PCLO: variants seen among roughly 807,000 people sequenced by gnomAD.
PCLO encodes piccolo presynaptic cytomatrix protein.
Under a neutral mutation model 427.5 loss-of-function variants are expected in PCLO, and 82 were observed. The observed-to-expected ratio is 0.19, with a 90% CI of 0.16 to 0.23. The LOEUF (loss-of-function observed/expected upper bound fraction) is 0.23. Ranked by LOEUF, PCLO falls within the 10% of genes least tolerant of loss-of-function variation. PCLO has a pLI of 1.00. For synonymous variants in PCLO, 2,357 were observed against 2,155.4 expected (o/e 1.09, Z -2.59); for missense variants, 6,239 against 6,115.9 (o/e 1.02, Z -0.67).
intron 10 of PCLO, among the ~76,000 whole-genome samples, chr7:82,867,690 G>A (rs971174280): frequency 2.0e-5 from 3 of 152,138 alleles, no homozygotes; most frequent in Non-Finnish European, 4.4e-5. Flanking sequence ...ATACCTCAAA[G>A]TATGTCAACC....
chr7:83,038,942 G>T (rs1313760321), intron 3 of PCLO, among the ~76,000 whole-genome samples: 1 of 151,966 alleles, frequency 6.6e-6, no homozygotes, highest in Non-Finnish European at 1.5e-5. Context: ...GTATGAAGTA[G>T]TATCTCACTG....
intron 10 of PCLO, among the ~76,000 whole-genome samples, chr7:82,876,243 T>C (rs1562831516): frequency 6.6e-6 from 1 of 151,916 alleles, no homozygotes. Flanking sequence ...CAAATACATT[T>C]AAAAAATCAA....
rs368031479 is a variant in PCLO, at chr7:82,816,373, GC to G, written c.14791+6121del. On this transcript the variant is annotated intron_variant, in intron 20 of 24. Transcript: ENST00000333891. Reference sequence around the variant, plus strand: ...ATCCTCCTATCCAAGTGAGAAAGTTGCCTGCCCCATGCTCTTATTGTACCCT... The same window carrying G: ...ATCCTCCTATCCAAGTGAGAAAGTTGCTGCCCCATGCTCTTATTGTACCCT... 3.8e-3 allele frequency among the ~76,000 whole-genome samples: 579 copies of G among 152,062 alleles called. 3 individuals are homozygous for G. Among genetic ancestry groups the G allele is most frequent in the African/African-American group, 0.013 (558 of 41,500 alleles).
chr7:82,804,040 A>G (rs1332857387), intron 21 of PCLO, among the ~76,000 whole-genome samples: 1 of 152,194 alleles, frequency 6.6e-6, no homozygotes, highest in African/African-American at 2.4e-5. Flanking sequence ...GTTAAATTAT[A>G]TATTTTGAAA....
In PCLO at chr7:82,955,840, T is replaced by C. The variant is rs760807428; in HGVS notation, c.5113A>G (p.Thr1705Ala). 1.8e-5 allele frequency: 29 copies of C among 1,613,804 alleles called. No homozygotes were observed. Among genetic ancestry groups the C allele is most frequent in the Non-Finnish European group, 2.4e-5 (28 of 1,179,874 alleles). The part of the protein sequence containing the change: ...EEPELEMESL[T>A]DSPEDRSRGE... The stretch of plus-strand genomic sequence containing the variant: ...CTTGACCTATCTTCAGGTGAGTCTG[T>C]CAGGCTTTCCATTTCCAATTCTGGC... Residue 1705 changes from threonine (T) to alanine (A), a missense_variant, in exon 5 of 25, where the codon ACA becomes GCA. Coordinates refer to ENST00000333891, the MANE Select transcript of PCLO (RefSeq NM_033026.6).
intron 10 of PCLO, among the ~76,000 whole-genome samples, chr7:82,863,822 T>C (rs777556888): frequency 1.2e-4 from 18 of 152,098 alleles, no homozygotes; most frequent in Non-Finnish European, 2.2e-4. Context: ...TACCATCTGA[T>C]TGGTGGTTAT....
intron 3 of PCLO, among the ~76,000 whole-genome samples, chr7:82,967,120 C>G (rs1795794069): frequency 6.6e-6 from 1 of 151,944 alleles, no homozygotes; most frequent in Non-Finnish European, 1.5e-5. Flanking sequence ...ATAAGAAGCA[C>G]TCCAAGTCTC....
At chr7:82,865,477 G>C (rs1228102628) in intron 10 of PCLO, among the ~76,000 whole-genome samples, 4 of 152,060 alleles carry the variant, frequency 2.6e-5, no homozygotes, top group Non-Finnish European at 5.9e-5. Flanking sequence ...GACAGAGCAA[G>C]ATGCCGTCTC....
intron 3 of PCLO, among the ~76,000 whole-genome samples, chr7:83,125,332 C>T (rs1343161415): frequency 2.0e-5 from 3 of 152,196 alleles, no homozygotes; most frequent in South Asian, 2.1e-4. Flanking sequence ...GCCCGGCAGC[C>T]GCCCCATCTG....
At chr7:82,940,016 T>A (rs1012006144) in intron 6 of PCLO, among the ~76,000 whole-genome samples, 3 of 152,140 alleles carry the variant, frequency 2.0e-5, no homozygotes, top group Admixed American at 2.0e-4. Flanking sequence ...TATATTAAAA[T>A]GAAAACGTTT....
intron 3 of PCLO, among the ~76,000 whole-genome samples, chr7:82,973,364 T>C (rs1204826650): frequency 6.6e-6 from 1 of 152,156 alleles, no homozygotes; most frequent in Non-Finnish European, 1.5e-5. Flanking sequence ...AAATACATAA[T>C]TGAATGATTG....
chr7:83,064,619 T>G (rs1404644583), intron 3 of PCLO, among the ~76,000 whole-genome samples: 2 of 152,014 alleles, frequency 1.3e-5, no homozygotes, highest in East Asian at 3.9e-4. Context: ...CAGTTCTGCT[T>G]CATAAACATA....
At chr7:82,980,101 G>A (rs1796113857) in intron 3 of PCLO, among the ~76,000 whole-genome samples, 1 of 151,876 alleles carries the variant, frequency 6.6e-6, no homozygotes, top group South Asian at 2.1e-4. Flanking sequence ...TCAGTCACCT[G>A]AAGATACTTG....
intron 3 of PCLO, among the ~76,000 whole-genome samples, chr7:83,029,684 C>T (rs549126526): frequency 8.1e-6 from 1 of 123,944 alleles, no homozygotes; most frequent in Non-Finnish European, 1.7e-5. Context: ...CGGCATTATT[C>T]ACAATAGCAA....
chr7:83,003,956 C>T (rs1464380328), intron 3 of PCLO, among the ~76,000 whole-genome samples: 1 of 151,568 alleles, frequency 6.6e-6, no homozygotes. Flanking sequence ...AGACTTCACC[C>T]ATGAAGTTAT....
In PCLO at chr7:82,952,260, A is replaced by C. The variant is rs774347420; in HGVS notation, c.8693T>G (p.Val2898Gly). ...VSQGITDGEVVDLSTTKSHRT... is the reference protein window; with the variant it reads ...VSQGITDGEVGDLSTTKSHRT... ...GTGAGACTTGGTTGTACTGAGATCC[A>C]CTACTTCCCCATCAGTGATTCCCTG... Residue 2898 changes from valine (V) to glycine (G), a missense_variant, in exon 5 of 25, where the codon GTG (valine) becomes GGG (glycine). By Grantham distance (109) the Val-to-Gly change is moderately radical. Around this residue, in one of 5 missense-constraint regions of PCLO, gnomAD observed 4,677 missense variants for 4,468.4 expected, o/e 1.05. Transcript: ENST00000333891. 1.2e-6 allele frequency: 2 copies of C among 1,613,944 alleles called. No individual in the cohort carries two copies.
At chr7:83,096,815 A>T (rs1434259106) in intron 3 of PCLO, among the ~76,000 whole-genome samples, 6 of 80,206 alleles carry the variant, frequency 7.5e-5, no homozygotes, top group African/African-American at 3.3e-4. Flanking sequence ...ATATTATATA[A>T]TATAAATATA....
intron 10 of PCLO, among the ~76,000 whole-genome samples, chr7:82,848,330 T>TTTTTTAG (rs1475267045): frequency 2.2e-5 from 3 of 137,876 alleles, no homozygotes; most frequent in Admixed American, 7.5e-5. Flanking sequence ...TTTTTTTTTT[T>TTTTTTAG]AAACAGGTCC....
In PCLO at chr7:82,949,753, A is replaced by T; in HGVS notation, c.10835T>A (p.Leu3612Gln). Residue 3612 changes from leucine to glutamine, a missense_variant, in exon 6 of 25, where the codon CTG becomes CAG. Coordinates refer to ENST00000333891, the MANE Select transcript of PCLO (RefSeq NM_033026.6). ...SHLRADSTVQ[L>Q]APSPPKSPKV... ...GGGGGATTTGGGTGGGGAAGGAGCCAGCTGTACTGTGGAATCTGCCCGGAG... is the reference window on the plus strand; with the variant it reads ...GGGGGATTTGGGTGGGGAAGGAGCCTGCTGTACTGTGGAATCTGCCCGGAG... 1 of 1,613,856 alleles carries T rather than the reference A, an allele frequency of 6.2e-7. No individual in the cohort carries two copies. The highest frequency in any genetic ancestry group is 1.1e-5 in the South Asian group (1 of 91,080).
Sources: allele counts gnomAD v4.1 joint callset (sites outside exome capture counted in the v4.1 genomes callset), GRCh38; gene constraint gnomAD v4.1.1; regional missense constraint gnomAD v4.1.1; transcripts MANE v1.5; gene names NCBI Gene and HGNC (gene_info 2026-07-23, HGNC 2026-07-21).